The following POU6F2 variants were observed in gnomAD, a reference collection of about 807,000 sequenced individuals.
POU6F2 encodes the protein POU domain, class 6, transcription factor 2.
A neutral mutation model predicts 71.3 loss-of-function variants in POU6F2; 31 were observed. The observed-to-expected ratio is 0.43, with a 90% confidence interval of 0.33 to 0.59. The LOEUF (loss-of-function observed/expected upper bound fraction) is 0.59. Among genes scored for constraint, POU6F2 ranks in the 20% least tolerant of loss-of-function variants. POU6F2 has a pLI of 0.04. For synonymous variants in POU6F2, 347 were observed against 355.7 expected (o/e 0.98, Z 0.27); for missense variants, 783 against 856.8 (o/e 0.91, Z 1.07).
intron 2 of POU6F2, among the ~76,000 whole-genome samples, chr7:39,154,551 GT>G (rs1203183741): frequency 6.6e-6 from 1 of 152,154 alleles, no homozygotes; most frequent in East Asian, 1.9e-4. Context: ...CTTCTCTATA[GT>G]ACTTCCCACA....
rs187062916 is a variant in POU6F2 at position 39,132,482 on chromosome 7, G to A, written c.277+46451G>A. 6 of 152,312 alleles carry A rather than the reference G, an allele frequency of 3.9e-5. 1 individual carries two copies. Among genetic ancestry groups the A allele is most frequent in the Admixed American group, 3.9e-4 (6 of 15,294 alleles). The allele number at this position is 152,312 out of a possible 1,614,324, so 9.4% of individuals were successfully genotyped here. ...GTTGAGCTTTGGCATGTGAGCGAGTGTTCCTAAAGTGGAACCAGTGTGTAC... is the reference window on the plus strand; with the variant it reads ...GTTGAGCTTTGGCATGTGAGCGAGTATTCCTAAAGTGGAACCAGTGTGTAC... On this transcript the variant is annotated intron_variant, in intron 2 of 9. Transcript: ENST00000518318.
chr7:38,999,460 T>C (rs547597977), intron 1 of POU6F2, among the ~76,000 whole-genome samples: 117 of 152,320 alleles, frequency 7.7e-4, no homozygotes, highest in African/African-American at 2.7e-3. Flanking sequence ...CTTGTACCCC[T>C]CAAGCATATG....
intron 2 of POU6F2, among the ~76,000 whole-genome samples, chr7:39,096,964 TG>T: frequency 6.6e-6 from 1 of 152,310 alleles, no homozygotes; most frequent in Non-Finnish European, 1.5e-5. Flanking sequence ...AATATATATG[TG>T]GAATTATTTT....
intron 1 of POU6F2, among the ~76,000 whole-genome samples, chr7:38,983,675 TGTG>T: frequency 6.6e-6 from 1 of 152,254 alleles, no homozygotes; most frequent in Non-Finnish European, 1.5e-5. Context: ...GTGAGCCAAT[TGTG>T]GTGAATATTG....
intron 4 of POU6F2, among the ~76,000 whole-genome samples, chr7:39,297,807 A>C (rs540107086): frequency 6.6e-6 from 1 of 152,316 alleles, no homozygotes; most frequent in Admixed American, 6.5e-5. Context: ...CAAAACAGAC[A>C]TACAGATCAA....
At chr7:39,012,303 C>T (rs574037725) in intron 1 of POU6F2, among the ~76,000 whole-genome samples, 46 of 152,222 alleles carry the variant, frequency 3.0e-4, no homozygotes, top group African/African-American at 1.1e-3. Flanking sequence ...CCCTTTCTTC[C>T]AGTTGATCAC....
At chr7:39,253,434 G>A (rs9648476) in intron 4 of POU6F2, among the ~76,000 whole-genome samples, 98,246 of 152,138 alleles carry the variant, frequency 0.65, 32,083 homozygotes, top group East Asian at 0.97. Context: ...GACAAGCTTT[G>A]TAAAATAACA....
At chr7:39,122,951 A>G (rs1387305719) in intron 2 of POU6F2, among the ~76,000 whole-genome samples, 1 of 151,992 alleles carries the variant, frequency 6.6e-6, no homozygotes, top group East Asian at 1.9e-4. Context: ...CAGCTTCCCA[A>G]AGTGCTGGGA....
chr7:39,257,216 A>T (rs1269469289), intron 4 of POU6F2, among the ~76,000 whole-genome samples: 2 of 152,172 alleles, frequency 1.3e-5, no homozygotes, highest in African/African-American at 4.8e-5. Flanking sequence ...AGACTTTGAG[A>T]CTTTCCACTT....
chr7:39,364,730 G>A (rs1393395365), intron 5 of POU6F2, among the ~76,000 whole-genome samples: 4 of 152,134 alleles, frequency 2.6e-5, no homozygotes, highest in East Asian at 3.8e-4. Flanking sequence ...ATAAACATGC[G>A]TGTGCAAGTA....
intron 5 of POU6F2, among the ~76,000 whole-genome samples, chr7:39,402,585 A>G (rs544746172): frequency 1.4e-4 from 22 of 152,130 alleles, no homozygotes; most frequent in Non-Finnish European, 3.1e-4. Flanking sequence ...TAAATAAGGT[A>G]ATGTCTTCTC....
At chr7:39,204,931 A>G (rs1390368491) in intron 3 of POU6F2, among the ~76,000 whole-genome samples, 2 of 134,572 alleles carry the variant, frequency 1.5e-5, no homozygotes, top group African/African-American at 2.8e-5. Context: ...TTTTACCTCT[A>G]TCATTTAGTG....
At chr7:39,334,786 C>T (rs1180343633) in intron 4 of POU6F2, among the ~76,000 whole-genome samples, 1 of 152,154 alleles carries the variant, frequency 6.6e-6, no homozygotes, top group Non-Finnish European at 1.5e-5. Context: ...TTCAAGATTC[C>T]TGTTTTTTCT....
chr7:39,077,867 A>G (rs1172093376), intron 1 of POU6F2, among the ~76,000 whole-genome samples: 1 of 152,258 alleles, frequency 6.6e-6, no homozygotes, highest in Non-Finnish European at 1.5e-5. Flanking sequence ...TCCTTTTAAC[A>G]GAAGCTCTAG....
In POU6F2 at chr7:39,159,191, T is replaced by TA. The variant is rs1025520317; in HGVS notation, c.278-45036dup. 2.0e-5 allele frequency among the ~76,000 whole-genome samples: 3 copies of TA among 151,656 alleles called. No homozygotes were observed. The East Asian group carries it at 5.8e-4, about 29-fold the overall frequency. The stretch of plus-strand genomic sequence containing the variant: ...AGATTCTGTCTCAAAAAATAAAAAA[T>TA]AAAAAAAATAACCATTTCAGATGCC... On this transcript the variant is annotated intron_variant, in intron 2 of 9. Coordinates refer to ENST00000518318, the MANE Select transcript of POU6F2 (RefSeq NM_001370959.1).
At chr7:39,257,890 A>G (rs1264580466) in intron 4 of POU6F2, among the ~76,000 whole-genome samples, 3 of 152,088 alleles carry the variant, frequency 2.0e-5, no homozygotes, top group African/African-American at 7.2e-5. Flanking sequence ...GACGTGTTTC[A>G]TGTATATCAA....
At position 39,432,653 on chromosome 7, in the gene POU6F2, G is replaced by A. The variant is rs542109114; in HGVS notation, c.1114-424G>A. Reference sequence around the variant, plus strand: ...GGAGGCAGAGGAAAGAATGTCAAAGGATCCCCTAGTTCAGAAAGTGTGGAG... The same window carrying A: ...GGAGGCAGAGGAAAGAATGTCAAAGAATCCCCTAGTTCAGAAAGTGTGGAG... On this transcript the variant is annotated intron_variant, in intron 6 of 9. Transcript: ENST00000518318. Among the ~76,000 whole-genome samples the A allele has an allele frequency of 1.6e-4, 24 of 152,092 alleles. No individual in the cohort carries two copies. In the South Asian group the frequency reaches 5.0e-3, roughly 32 times the overall value.
At chr7:39,254,527 C>T (rs926150832) in intron 4 of POU6F2, among the ~76,000 whole-genome samples, 21 of 152,088 alleles carry the variant, frequency 1.4e-4, no homozygotes, top group African/African-American at 4.8e-4. Flanking sequence ...CTCAGGGAAC[C>T]AACCTTGAGA....
intron 1 of POU6F2, among the ~76,000 whole-genome samples, chr7:38,996,004 G>A (rs565843302): frequency 1.4e-4 from 21 of 145,418 alleles, no homozygotes; most frequent in South Asian, 1.1e-3. Context: ...TGCTGGTCAT[G>A]CTTCTTGAAG....
Sources: allele counts gnomAD v4.1 joint callset (sites outside exome capture counted in the v4.1 genomes callset), GRCh38; gene constraint gnomAD v4.1.1; transcripts MANE v1.5; gene names NCBI Gene and HGNC (gene_info 2026-07-23, HGNC 2026-07-21).